The following ZPBP variants were observed in gnomAD, a reference collection of about 807,000 sequenced individuals.
ZPBP encodes zona pellucida-binding protein 1.
In ZPBP, 26 loss-of-function variants were observed where a neutral mutation model predicts 44.8. The observed-to-expected ratio is 0.58, with a 90% CI of 0.43 to 0.81. The LOEUF (loss-of-function observed/expected upper bound fraction) is 0.81. ZPBP is among the 30% of genes least tolerant of loss of function. ZPBP has a pLI of 0.00. For synonymous variants in ZPBP, 174 were observed against 153.2 expected, an observed-to-expected ratio of 1.14 and a Z score of -1.00; for missense variants, 409 against 434.0, an observed-to-expected ratio of 0.94 and a Z score of 0.51.
intron 1 of ZPBP, among the ~76,000 whole-genome samples, chr7:49,924,309 G>C (rs949624624): frequency 1.3e-5 from 2 of 151,934 alleles, no homozygotes; most frequent in Non-Finnish European, 2.9e-5. Context: ...CTGAACAACA[G>C]AATTAACCAA....
At chr7:49,895,550 A>G (rs1403023954) in intron 2 of ZPBP, among the ~76,000 whole-genome samples, 2 of 152,242 alleles carry the variant, frequency 1.3e-5, no homozygotes, top group East Asian at 3.8e-4. Context: ...TCCATGAGGC[A>G]AGAAAAGCAT....
intron 1 of ZPBP, chr7:49,917,446 G>A (rs1245940501): frequency 3.3e-5 from 5 of 152,144 alleles, no homozygotes; most frequent in Non-Finnish European, 7.4e-5. Flanking sequence ...TGGCCCATGA[G>A]CAGTTTATGA....
chr7:49,958,794 G>A (rs1454382300), intron 7 of ZPBP, among the ~76,000 whole-genome samples: 9 of 152,082 alleles, frequency 5.9e-5, no homozygotes, highest in Admixed American at 2.0e-4. Flanking sequence ...ATTAAATATC[G>A]GAGGACAAAA....
chr7:49,893,884 T>C (rs1320155061), intron 2 of ZPBP, among the ~76,000 whole-genome samples: 1 of 152,190 alleles, frequency 6.6e-6, no homozygotes, highest in Admixed American at 6.5e-5. Flanking sequence ...TGTTGTTTAA[T>C]TTCAGAAAAT....
At chr7:49,957,356 C>T (rs1274944770) in intron 7 of ZPBP, among the ~76,000 whole-genome samples, 2 of 152,180 alleles carry the variant, frequency 1.3e-5, no homozygotes, top group Admixed American at 6.5e-5. Flanking sequence ...TGTCACTCCT[C>T]GCATCACAGG....
chr7:49,851,585 C>A (rs1021258925), intron 2 of ZPBP, among the ~76,000 whole-genome samples: 29 of 152,206 alleles, frequency 1.9e-4, no homozygotes, highest in Non-Finnish European at 4.1e-4. Context: ...ACAGGCCAGG[C>A]GTGGTGGCTC....
At chr7:49,943,664 A>G (rs893009672) in intron 7 of ZPBP, 1 of 309,544 alleles carries the variant, frequency 3.2e-6, no homozygotes, top group African/African-American at 2.2e-5. Context: ...ACAAGGTCAC[A>G]TTTGTTATGT....
chr7:49,859,593 C>T (rs1398117449), intron 2 of ZPBP, among the ~76,000 whole-genome samples: 1 of 152,184 alleles, frequency 6.6e-6, no homozygotes, highest in Non-Finnish European at 1.5e-5. Context: ...TGTGCATTGA[C>T]GTCTGGGCTT....
At chr7:49,981,446 T>C (rs1440988154) in intron 7 of ZPBP, among the ~76,000 whole-genome samples, 1 of 41,996 alleles carries the variant, frequency 2.4e-5, no homozygotes, top group Non-Finnish European at 3.7e-5. Flanking sequence ...TAATATATAT[T>C]ATGTACATAT....
chr7:49,878,824 A>G (rs1345366391), intron 2 of ZPBP, among the ~76,000 whole-genome samples: 1 of 152,142 alleles, frequency 6.6e-6, no homozygotes, highest in African/African-American at 2.4e-5. Context: ...GACATGTTGG[A>G]ACACAGCTAC....
chr7:50,056,692 C>T (rs1205704994), intron 4 of ZPBP, among the ~76,000 whole-genome samples: 1 of 152,194 alleles, frequency 6.6e-6, no homozygotes, highest in Non-Finnish European at 1.5e-5. Flanking sequence ...AGTGTCATCT[C>T]GGACAAACAC....
intron 2 of ZPBP, among the ~76,000 whole-genome samples, chr7:49,898,569 C>A (rs1054922533): frequency 2.6e-5 from 4 of 151,922 alleles, no homozygotes; most frequent in African/African-American, 9.7e-5. Context: ...CAACACATTA[C>A]ATATGTATAT....
chr7:50,041,622 G>C (rs1800100056), intron 4 of ZPBP, among the ~76,000 whole-genome samples: 2 of 152,130 alleles, frequency 1.3e-5, no homozygotes, highest in South Asian at 4.1e-4. Context: ...TCAACAAAAA[G>C]GATGTTCACA....
intron 3 of ZPBP, among the ~76,000 whole-genome samples, chr7:50,074,252 A>C (rs1447112544): frequency 6.6e-6 from 1 of 152,046 alleles, no homozygotes; most frequent in Non-Finnish European, 1.5e-5. Context: ...TGCAAGCCTC[A>C]TGGTAACCTA....
intron 1 of ZPBP, among the ~76,000 whole-genome samples, chr7:49,906,245 T>G (rs181007585): frequency 1.2e-3 from 179 of 152,202 alleles, no homozygotes; most frequent in African/African-American, 4.1e-3. Flanking sequence ...CCCTTTCTAG[T>G]AACAGAGTAA....
intron 3 of ZPBP, among the ~76,000 whole-genome samples, chr7:50,074,810 CAAT>C (rs1249320074): frequency 6.6e-6 from 1 of 151,734 alleles, no homozygotes; most frequent in Non-Finnish European, 1.5e-5. Flanking sequence ...GGCCTCAATA[CAAT>C]AATAGTGGGA....
chr7:49,983,034 A>G (rs1797099550), intron 7 of ZPBP, among the ~76,000 whole-genome samples: 1 of 152,008 alleles, frequency 6.6e-6, no homozygotes, highest in South Asian at 2.1e-4. Context: ...ATTCTAAAAG[A>G]TATATTAATT....
intron 4 of ZPBP, among the ~76,000 whole-genome samples, chr7:50,046,737 T>C (rs976504742): frequency 1.3e-5 from 2 of 152,122 alleles, no homozygotes; most frequent in Non-Finnish European, 2.9e-5. Context: ...GACAGTGTGG[T>C]GATTCCTCAA....
intron 5 of ZPBP, among the ~76,000 whole-genome samples, chr7:50,026,434 T>A (rs1799333218): frequency 6.6e-6 from 1 of 151,690 alleles, no homozygotes; most frequent in East Asian, 1.9e-4. Context: ...ATCTATACAA[T>A]ATACACAGGA....
Sources: gnomAD v4.1 joint callset for allele counts (sites outside exome capture counted in the v4.1 genomes callset) on GRCh38, gnomAD v4.1.1 for gene constraint, MANE v1.5 for transcripts, NCBI Gene and HGNC (gene_info 2026-07-23, HGNC 2026-07-21) for gene names.